The following ZNF618 variants were observed in gnomAD, a reference collection of about 807,000 sequenced individuals.
ZNF618 encodes zinc finger protein 618, also known as neural precursor cell expressed, developmentally down-regulated 10.
ZNF618 carries 34 observed loss-of-function variants against 103.0 expected under a neutral mutation model. That is an observed-to-expected ratio of 0.33 (90% CI 0.25 to 0.44). The LOEUF (loss-of-function observed/expected upper bound fraction) is 0.44, where lower values mean the gene tolerates loss of function less well. Ranked by LOEUF, ZNF618 falls within the 20% of genes least tolerant of loss-of-function variation. The pLI, the probability that ZNF618 is intolerant of heterozygous loss-of-function variation, is 1.00. For synonymous variants in ZNF618, 551 were observed against 542.2 expected (o/e 1.02, Z -0.23); for missense variants, 1,059 against 1,295.4 (o/e 0.82, Z 2.80).
chr9:113,947,070 C>G (rs1224172964), intron 1 of ZNF618, among the ~76,000 whole-genome samples: 2 of 152,168 alleles, frequency 1.3e-5, no homozygotes, highest in African/African-American at 4.8e-5. Flanking sequence ...TGTTATCCAG[C>G]ACCACCATTG....
At chr9:113,876,778 A>G (rs2130689435) in intron 1 of ZNF618, among the ~76,000 whole-genome samples, 1 of 130,232 alleles carries the variant, frequency 7.7e-6, no homozygotes, top group Non-Finnish European at 1.7e-5. Context: ...CTCCCCCCCA[A>G]ATTTGCAATT....
chr9:113,991,534 T>C (rs1411710144), intron 3 of ZNF618, among the ~76,000 whole-genome samples: 1 of 152,260 alleles, frequency 6.6e-6, no homozygotes, highest in East Asian at 1.9e-4. Context: ...AACAAGTAGC[T>C]AGTATTCTCA....
intron 12 of ZNF618, among the ~76,000 whole-genome samples, chr9:114,033,180 T>G (rs1844251681): frequency 6.6e-6 from 1 of 152,052 alleles, no homozygotes; most frequent in Non-Finnish European, 1.5e-5. Context: ...GAGGCCAAGG[T>G]GGGTGGGTCA....
At chr9:114,034,994 C>T (rs1844455087) in intron 12 of ZNF618, among the ~76,000 whole-genome samples, 1 of 152,174 alleles carries the variant, frequency 6.6e-6, no homozygotes, top group South Asian at 2.1e-4. Context: ...CCACAGTAAA[C>T]CTTGATCCTC....
At chr9:113,884,435 T>C (rs951765877) in intron 1 of ZNF618, among the ~76,000 whole-genome samples, 3 of 152,202 alleles carry the variant, frequency 2.0e-5, no homozygotes, top group Non-Finnish European at 2.9e-5. Flanking sequence ...CTTGTGAAAG[T>C]TGTGAGAGAT....
rs533808005 is a variant in ZNF618, at chr9:113,921,186, T to G, written c.33+44773T>G. On this transcript the variant is annotated intron_variant, in intron 1 of 14. Transcript: ENST00000374126. ...ACCAAGGCTGGAATCCTGGGTCCTG[T>G]GTCTCCCACCTAATACCTGGGTGTT... Among the ~76,000 whole-genome samples, 12 of 152,392 alleles carry G rather than the reference T, an allele frequency of 7.9e-5. No homozygotes were observed. The East Asian group carries it at 2.1e-3, about 27-fold the overall frequency.
At chr9:114,011,601 A>G (rs1842253420) in intron 9 of ZNF618, among the ~76,000 whole-genome samples, 1 of 152,332 alleles carries the variant, frequency 6.6e-6, no homozygotes, top group East Asian at 1.9e-4. Flanking sequence ...AAGCAGGCCA[A>G]TGCCACAGAA....
intron 6 of ZNF618, 133 bp downstream of exon 6, chr9:114,002,795 G>A: frequency 1.0e-6 from 1 of 981,040 alleles, no homozygotes; most frequent in Non-Finnish European, 1.5e-6. Context: ...GTCCAAGCTT[G>A]GGGGCCAGAC....
chr9:113,894,151 T>C (rs768636976), intron 1 of ZNF618, among the ~76,000 whole-genome samples: 1 of 152,242 alleles, frequency 6.6e-6, no homozygotes, highest in Non-Finnish European at 1.5e-5. Context: ...TAGCCAGAAT[T>C]CTCTAATAAC....
intron 1 of ZNF618, among the ~76,000 whole-genome samples, chr9:113,943,216 C>T (rs1212527284): frequency 6.6e-6 from 1 of 152,202 alleles, no homozygotes; most frequent in African/African-American, 2.4e-5. Context: ...TGGCTCAGAG[C>T]AGGCATGGGA....
At chr9:113,885,588 C>T (rs897863427) in intron 1 of ZNF618, among the ~76,000 whole-genome samples, 1 of 152,156 alleles carries the variant, frequency 6.6e-6, no homozygotes, top group Admixed American at 6.5e-5. Flanking sequence ...GCATCTGTCC[C>T]CAGCCTCATC....
rs1395141759 is a variant in ZNF618 at position 114,055,923 on chromosome 9, G to A, written c.*5756G>A. On this transcript the variant is annotated 3_prime_UTR_variant, in exon 15 of 15. Coordinates refer to ENST00000374126, the MANE Select transcript of ZNF618 (RefSeq NM_001318042.2). The stretch of plus-strand genomic sequence containing the variant: ...GCCGGTGCTTGGCTCAAGTCTTCAC[G>A]AGGGGTTTAGGCAGGGCCATCTTGG... The A allele has an allele frequency of 6.6e-6, 1 of 151,902 alleles. No individual in the cohort carries two copies. Among genetic ancestry groups the A allele is most frequent in the Admixed American group, 6.6e-5 (1 of 15,190 alleles). 9.4% of individuals were successfully genotyped at this position (151,902 alleles called of 1,614,324 possible). A position where few individuals can be genotyped will look rare whatever the true frequency, so the allele number is the denominator to read the frequency against.
intron 13 of ZNF618, among the ~76,000 whole-genome samples, chr9:114,043,568 A>G (rs1845397316): frequency 6.6e-6 from 1 of 152,244 alleles, no homozygotes; most frequent in Admixed American, 6.5e-5. Flanking sequence ...TATACCTAGT[A>G]ATGGGATTGC....
chr9:114,031,624 G>GTT (rs1403165704), intron 11 of ZNF618, among the ~76,000 whole-genome samples: 1 of 152,200 alleles, frequency 6.6e-6, no homozygotes, highest in African/African-American at 2.4e-5. Flanking sequence ...AGAATCTAAT[G>GTT]TTTTAAAAAT....
intron 13 of ZNF618, among the ~76,000 whole-genome samples, chr9:114,039,523 G>A (rs1844939772): frequency 6.6e-6 from 1 of 151,912 alleles, no homozygotes; most frequent in African/African-American, 2.4e-5. Context: ...GCTAAGTTTT[G>A]TACTTTTAGT....
At chr9:114,031,416 G>A (rs967025165) in intron 11 of ZNF618, among the ~76,000 whole-genome samples, 1 of 152,230 alleles carries the variant, frequency 6.6e-6, no homozygotes, top group Non-Finnish European at 1.5e-5. Flanking sequence ...ACAGTGGGAT[G>A]ACAGGGGTCG....
At chr9:113,877,663 GT>G (rs988962701) in intron 1 of ZNF618, among the ~76,000 whole-genome samples, 1 of 150,660 alleles carries the variant, frequency 6.6e-6, no homozygotes, top group African/African-American at 2.4e-5. Context: ...GTGTGTGTGT[GT>G]TTTTTTTGTT....
chr9:114,049,489 G>C lies in ZNF618; in HGVS notation c.2187G>C (p.Lys729Asn). The change falls in exon 15 of 15, where the codon AAG (lysine) becomes AAC (asparagine). Residue 729 changes from lysine to asparagine, a missense_variant. Physicochemically the swap from Lys to Asn is moderately conservative, Grantham distance 94. Transcript: ENST00000374126. ...KKMNLIQSLN[K>N]HLLSNLAAIL... is the part of the protein sequence containing the mutation. ...TGAACCTCATCCAGAGCCTCAACAA[G>C]CACCTGCTCAGCAACCTGGCGGCCA... is the stretch of plus-strand genomic sequence containing the variant. 1 of 1,613,154 alleles carries C rather than the reference G, an allele frequency of 6.2e-7. No homozygotes were observed. Among genetic ancestry groups the C allele is most frequent in the East Asian group, 2.2e-5 (1 of 44,836 alleles).
chr9:114,050,378 TG>T lies in ZNF618; in HGVS notation c.*213del. 1.8e-6 allele frequency: 1 copy of T among 563,742 alleles called. No individual in the cohort carries two copies. Among genetic ancestry groups the T allele is most frequent in the Non-Finnish European group, 2.9e-6 (1 of 339,590 alleles). The allele number at this position is 563,742 out of a possible 1,614,324, so 34.9% of individuals were successfully genotyped here. ...TGTGCACGTGTCTGAACACGTGCTGTGGTTGTGGGGGTGTGGGGGGGTCTCT... is the reference window on the plus strand; with the variant it reads ...TGTGCACGTGTCTGAACACGTGCTGTGTTGTGGGGGTGTGGGGGGGTCTCT... On this transcript the variant is annotated 3_prime_UTR_variant, in exon 15 of 15. Transcript: ENST00000374126.
Sources: gnomAD v4.1 joint callset for allele counts (sites outside exome capture counted in the v4.1 genomes callset) on GRCh38, gnomAD v4.1.1 for gene constraint, MANE v1.5 for transcripts, NCBI Gene and HGNC (gene_info 2026-07-23, HGNC 2026-07-21) for gene names.